The following DNHD1 variants were observed in gnomAD, a reference collection of about 807,000 sequenced individuals.
DNHD1 encodes dynein heavy chain domain 1, also known as dynein heavy chain domain-containing protein 1.
Under a neutral mutation model 458.1 loss-of-function variants are expected in DNHD1, and 383 were observed. The observed-to-expected ratio is 0.84, with a 90% CI of 0.77 to 0.91. The LOEUF is 0.91. Among genes scored for constraint, DNHD1 ranks in the 40% least tolerant of loss-of-function variants. DNHD1 has a pLI of 0.00. For synonymous variants in DNHD1, 2,203 were observed against 2,376.9 expected (o/e 0.93, Z 2.13); for missense variants, 5,336 against 5,866.1 (o/e 0.91, Z 2.95).
At chr11:6,551,557 C>T (rs1322023589) in intron 24 of DNHD1, among the ~76,000 whole-genome samples, 1 of 152,116 alleles carries the variant, frequency 6.6e-6, no homozygotes, top group Admixed American at 6.5e-5. Flanking sequence ...TTGACAATCG[C>T]CTATTAACAC....
rs1564811220 is a variant in DNHD1, at chr11:6,533,040, CAG to C, written c.2362_2363del (p.Ser788HisfsTer12). ...TCCTGTCTCCAGAATCCAAGCTGAACAGCATAAGGAAGGACATTCTTGCACAC... is the reference window on the plus strand; with the variant it reads ...TCCTGTCTCCAGAATCCAAGCTGAACCATAAGGAAGGACATTCTTGCACAC... ...VQAEMESKLN[S>X]IRKDILAHVQ... is the part of the protein sequence containing the mutation. On this transcript the variant is annotated frameshift_variant, in exon 13 of 43. Transcript: ENST00000254579. LOFTEE classifies it high-confidence loss of function. 1 of 1,551,590 alleles carries C rather than the reference CAG, an allele frequency of 6.4e-7. No homozygotes were observed. The highest frequency in any genetic ancestry group is 1.4e-5 in the African/African-American group (1 of 73,138).
chr11:6,568,936 G>T lies in DNHD1; in HGVS notation c.12863+70G>T, dbSNP rs1853773174. The T allele has an allele frequency of 4.1e-6, 6 of 1,476,860 alleles. No homozygotes were observed. In the South Asian group the frequency reaches 6.6e-5, roughly 16 times the overall value. 91.5% of individuals were successfully genotyped at this position (1,476,860 alleles called of 1,614,324 possible). A position where few individuals can be genotyped will look rare whatever the true frequency, so the allele number is the denominator to read the frequency against. On this transcript the variant is annotated intron_variant, in intron 39 of 42. Transcript: ENST00000254579. ...ACATTGAGTATCTTCCATATGCTGG[G>T]ATGAGTAAAACTAATTCATCTTTGG...
intron 17 of DNHD1, among the ~76,000 whole-genome samples, chr11:6,539,620 G>A (rs537846621): frequency 6.6e-6 from 1 of 152,326 alleles, no homozygotes. Flanking sequence ...CGAGCTGACT[G>A]AGGTATTTGC....
chr11:6,513,294 T>C (rs529213617), intron 7 of DNHD1, among the ~76,000 whole-genome samples: 67 of 152,352 alleles, frequency 4.4e-4, no homozygotes, highest in African/African-American at 1.6e-3. Context: ...GTATTTGTAT[T>C]GCTATATATT....
intron 28 of DNHD1, 68 bp from the exon 29 acceptor site, chr11:6,562,914 T>C: frequency 2.0e-6 from 3 of 1,503,086 alleles, no homozygotes; most frequent in Non-Finnish European, 1.8e-6. Flanking sequence ...TCCAGGATCA[T>C]AGGGTCTTCT....
In DNHD1 at chr11:6,571,597, G is replaced by A; in HGVS notation, c.13912-39G>A. 2.7e-6 allele frequency: 4 copies of A among 1,497,960 alleles called. No homozygotes were observed. The highest frequency in any genetic ancestry group is 3.6e-6 in the Non-Finnish European group (4 of 1,118,726). 92.8% of individuals were successfully genotyped at this position (1,497,960 alleles called of 1,614,324 possible). Reference sequence around the variant, plus strand: ...CCCACTTCCCACCTGCCACCTCCCAGCTTCCTAGCCTTGCCTGACCAGCTT... The same window carrying A: ...CCCACTTCCCACCTGCCACCTCCCAACTTCCTAGCCTTGCCTGACCAGCTT... On this transcript the variant is annotated intron_variant, in intron 42 of 42. Transcript: ENST00000254579. The surrounding 1 kb of genome is among the most constrained non-coding windows in gnomAD (Gnocchi z 5.0).
Position 6,538,932 on chromosome 11 carries a change from T to C in DNHD1, c.3325+122T>C. On this transcript the variant is annotated intron_variant, in intron 16 of 42. Coordinates refer to ENST00000254579, the MANE Select transcript of DNHD1 (RefSeq NM_144666.3). ...TTTCATCCCCAAGTTTCTCCCTACCTTTCCCACATATTTCAATTTCTTTTC... is the reference window on the plus strand; with the variant it reads ...TTTCATCCCCAAGTTTCTCCCTACCCTTCCCACATATTTCAATTTCTTTTC... The C allele has an allele frequency of 5.5e-6, 6 of 1,092,260 alleles. No homozygotes were observed. The South Asian group carries it at 1.0e-4, about 19-fold the overall frequency. The allele number at this position is 1,092,260 out of a possible 1,614,324, so 67.7% of individuals were successfully genotyped here. A position where few individuals can be genotyped will look rare whatever the true frequency, so the allele number is the denominator to read the frequency against.
In DNHD1 at chr11:6,538,726, G is replaced by A. The variant is rs1446232556; in HGVS notation, c.3241G>A (p.Gly1081Arg). 1.9e-6 allele frequency: 3 copies of A among 1,549,638 alleles called. No individual in the cohort carries two copies. In the African/African-American group the frequency reaches 4.1e-5, roughly 21 times the overall value. Reference protein sequence around the residue: ...PVLQHCMRILGEFRSYLPLLT... With the variant: ...PVLQHCMRILREFRSYLPLLT... Reference sequence around the variant, plus strand: ...GCTGCAGCACTGCATGCGCATCCTGGGGGAGTTTCGCAGCTACCTGCCCCT... The same window carrying A: ...GCTGCAGCACTGCATGCGCATCCTGAGGGAGTTTCGCAGCTACCTGCCCCT... The change falls in exon 16 of 43, where the codon GGG (glycine) becomes AGG (arginine). Residue 1081 changes from glycine (G) to arginine (R), a missense_variant. Gly to Arg is a moderately radical substitution (Grantham distance 125, BLOSUM62 -2). Coordinates refer to ENST00000254579, the MANE Select transcript of DNHD1 (RefSeq NM_144666.3).
chr11:6,530,750 G>A (rs1021427705), intron 12 of DNHD1, among the ~76,000 whole-genome samples: 2 of 152,156 alleles, frequency 1.3e-5, no homozygotes, highest in Admixed American at 1.3e-4. Context: ...TGTACAGGGG[G>A]TTCAGGCGGG....
Position 6,547,991 on chromosome 11 carries a change from A to G in DNHD1, c.6856A>G (p.Ser2286Gly). Residue 2286 changes from serine (S) to glycine (G), a missense_variant, in exon 22 of 43, where the codon AGT becomes GGT. Coordinates refer to ENST00000254579, the MANE Select transcript of DNHD1 (RefSeq NM_144666.3). ...KCREHLLAVS[S>G]FLFALIWGFG... ...CAGGGAACACTTGCTGGCTGTCAGC[A>G]GTTTTCTTTTTGCCTTGATCTGGGG... 6.4e-7 allele frequency: 1 copy of G among 1,551,732 alleles called. No individual in the cohort carries two copies. The highest frequency in any genetic ancestry group is 8.7e-7 in the Non-Finnish European group (1 of 1,146,996).
At chr11:6,515,757 T>C (rs547060781) in intron 7 of DNHD1, among the ~76,000 whole-genome samples, 1 of 151,816 alleles carries the variant, frequency 6.6e-6, no homozygotes, top group South Asian at 2.1e-4. Context: ...TTCACTGTTT[T>C]ATTCAAATAT....
At position 6,502,902 on chromosome 11, in the gene DNHD1, A is replaced by G. The variant is rs755618176; in HGVS notation, c.896A>G (p.Asn299Ser). The change falls in exon 4 of 43, where the codon AAT becomes AGT. Residue 299 changes from asparagine to serine, a missense_variant. Physicochemically the swap from Asn to Ser is conservative, Grantham distance 46. Transcript: ENST00000254579. ...AAGAAGATCCACTTCCTCTATCTCAATGTGGCTCCCAGCCGGTACTTTAGG... is the reference window on the plus strand; with the variant it reads ...AAGAAGATCCACTTCCTCTATCTCAGTGTGGCTCCCAGCCGGTACTTTAGG... ...YLKKIHFLYLNVAPSRYFRPY... is the reference protein window; with the variant it reads ...YLKKIHFLYLSVAPSRYFRPY... 2.9e-5 allele frequency: 46 copies of G among 1,613,632 alleles called. No individual in the cohort carries two copies. Among genetic ancestry groups the G allele is most frequent in the South Asian group, 6.6e-5 (6 of 90,974 alleles).
intron 7 of DNHD1, among the ~76,000 whole-genome samples, chr11:6,512,450 C>T (rs550825721): frequency 1.3e-5 from 2 of 151,886 alleles, no homozygotes; most frequent in Non-Finnish European, 2.9e-5. Flanking sequence ...TCTTGATCTC[C>T]TGACCTTGTG....
intron 36 of DNHD1, 42 bp downstream of exon 36, chr11:6,567,902 G>A: frequency 1.9e-6 from 3 of 1,542,572 alleles, no homozygotes; most frequent in South Asian, 1.2e-5. Context: ...CCAGGCTCCT[G>A]TGGGCTGGGG....
rs898327530 is a variant in DNHD1, at chr11:6,546,018, G to C, written c.5079G>C (p.Lys1693Asn). 3.2e-6 allele frequency: 5 copies of C among 1,551,454 alleles called. No individual in the cohort carries two copies. Among genetic ancestry groups the C allele is most frequent in the African/African-American group, 1.4e-5 (1 of 73,062 alleles). Residue 1693 changes from lysine (K) to asparagine (N), a missense_variant, in exon 21 of 43, where the codon AAG becomes AAC. Coordinates refer to ENST00000254579, the MANE Select transcript of DNHD1 (RefSeq NM_144666.3). ...GTVLGPNGVG[K>N]RAIVNSLAQA... Reference sequence around the variant, plus strand: ...TACTGGGTCCTAATGGTGTGGGCAAGAGAGCTATAGTGAACAGCCTGGCAC... The same window carrying C: ...TACTGGGTCCTAATGGTGTGGGCAACAGAGCTATAGTGAACAGCCTGGCAC...
intron 28 of DNHD1, 34 bp from the exon 29 acceptor site, chr11:6,562,948 T>C (rs1853614808): frequency 8.4e-6 from 13 of 1,544,802 alleles, no homozygotes; most frequent in Non-Finnish European, 1.1e-5. Flanking sequence ...TGGCCCAAGA[T>C]CTGGAGCTGC....
Position 6,557,113 on chromosome 11 carries a change from C to G in DNHD1, c.7818C>G (p.Asn2606Lys), listed in dbSNP as rs200346079. ...TGAGCAGCCTGCAGCTGCTGCCCAA[C>G]AGAACAGGCTCCCGAGGTTTTGTGG... ...HLLSSLQLLP[N>K]RTGSRGFVDY... The change falls in exon 25 of 43, where the codon AAC becomes AAG. Residue 2606 changes from asparagine to lysine, a missense_variant. Transcript: ENST00000254579. 3 of 1,551,766 alleles carry G rather than the reference C, an allele frequency of 1.9e-6. No homozygotes were observed. In the South Asian group the frequency reaches 3.6e-5, roughly 18 times the overall value.
At position 6,533,025 on chromosome 11, in the gene DNHD1, A is replaced by G; in HGVS notation, c.2348-2A>G. ...CCTCACACCTTACTCTCCTGTCTCCAGAATCCAAGCTGAACAGCATAAGGA... is the reference window on the plus strand; with the variant it reads ...CCTCACACCTTACTCTCCTGTCTCCGGAATCCAAGCTGAACAGCATAAGGA... On this transcript the variant is annotated splice_acceptor_variant, in intron 12 of 42. Transcript: ENST00000254579. LOFTEE classifies it high-confidence loss of function. 6.4e-7 allele frequency: 1 copy of G among 1,551,546 alleles called. No homozygotes were observed. Among genetic ancestry groups the G allele is most frequent in the Non-Finnish European group, 8.7e-7 (1 of 1,146,916 alleles).
chr11:6,562,698 C>A (rs16915415), intron 28 of DNHD1, among the ~76,000 whole-genome samples: 26,462 of 152,062 alleles, frequency 0.17, 5,155 homozygotes, highest in African/African-American at 0.48. Context: ...AATGGGTCAA[C>A]TAAAATATAG....
Sources: gnomAD v4.1 joint callset for allele counts (sites outside exome capture counted in the v4.1 genomes callset) on GRCh38, gnomAD v4.1.1 for gene constraint, Gnocchi (gnomAD v3.1) non-coding constraint, MANE v1.5 for transcripts, NCBI Gene and HGNC (gene_info 2026-07-23, HGNC 2026-07-21) for gene names.